Variants in MYOCD observed in about 807,000 individuals in gnomAD.
MYOCD encodes myocardin.
A neutral mutation model predicts 96.1 loss-of-function variants in MYOCD; 32 were observed. That is an observed-to-expected ratio of 0.33 (90% confidence interval 0.25 to 0.45). The LOEUF (loss-of-function observed/expected upper bound fraction) is 0.45. MYOCD is among the 20% of genes least tolerant of loss of function. The pLI is 1.00. For missense variants in MYOCD, 1,133 were observed against 1,200.6 expected (o/e 0.94, Z 0.83); for synonymous variants, 469 against 469.0 (o/e 1.00, Z 0.00).
intron 5 of MYOCD, among the ~76,000 whole-genome samples, chr17:12,735,513 A>G (rs1295261782): frequency 6.6e-6 from 1 of 152,158 alleles, no homozygotes; most frequent in South Asian, 2.1e-4. Context: ...AGAAATGCCA[A>G]ATAATAAAAA....
At chr17:12,724,635 A>AAC (rs2031942990) in intron 5 of MYOCD, among the ~76,000 whole-genome samples, 1 of 152,140 alleles carries the variant, frequency 6.6e-6, no homozygotes, top group Admixed American at 6.6e-5. Context: ...CTAACTTAAA[A>AAC]ATATAGAGTT....
intron 5 of MYOCD, among the ~76,000 whole-genome samples, chr17:12,734,883 A>T (rs1304591260): frequency 2.3e-5 from 3 of 127,694 alleles, no homozygotes; most frequent in Non-Finnish European, 5.3e-5. Flanking sequence ...TAAAGCGATA[A>T]TGACTTTTAT....
At chr17:12,705,370 C>T (rs1403195795) in intron 2 of MYOCD, 177 bp downstream of exon 2, 1 of 529,616 alleles carries the variant, frequency 1.9e-6, no homozygotes, top group East Asian at 3.1e-5. Flanking sequence ...GCTACCTACT[C>T]ACCTGCAAGG....
intron 1 of MYOCD, among the ~76,000 whole-genome samples, chr17:12,668,722 C>T (rs1329955735): frequency 1.3e-5 from 2 of 151,694 alleles, no homozygotes; most frequent in African/African-American, 4.8e-5. Context: ...TGACCCTGAG[C>T]GTTAGGTAAA....
chr17:12,745,273 G>A (rs371636723), intron 8 of MYOCD, among the ~76,000 whole-genome samples: 6 of 151,948 alleles, frequency 3.9e-5, no homozygotes, highest in South Asian at 4.2e-4. Flanking sequence ...GCAATGGCGC[G>A]ATCTTGGCTC....
intron 1 of MYOCD, among the ~76,000 whole-genome samples, chr17:12,684,382 C>A (rs1862859746): frequency 6.6e-6 from 1 of 152,160 alleles, no homozygotes; most frequent in South Asian, 2.1e-4. Context: ...AACGTAGCAT[C>A]CATGGCCCTC....
chr17:12,751,991 T>TA (rs1261816197), intron 9 of MYOCD, among the ~76,000 whole-genome samples: 1 of 152,042 alleles, frequency 6.6e-6, no homozygotes, highest in African/African-American at 2.4e-5. Context: ...GAGAACGTGG[T>TA]AGGAAGAGCC....
intron 1 of MYOCD, among the ~76,000 whole-genome samples, chr17:12,674,634 C>A (rs955625701): frequency 1.3e-5 from 2 of 152,114 alleles, no homozygotes; most frequent in Non-Finnish European, 2.9e-5. Flanking sequence ...TATGTGCATG[C>A]ATACACATAT....
intron 9 of MYOCD, among the ~76,000 whole-genome samples, chr17:12,750,573 C>T (rs2032821624): frequency 6.6e-6 from 1 of 151,980 alleles, no homozygotes; most frequent in African/African-American, 2.4e-5. Context: ...CCTGTAATCC[C>T]AGCTACTCGG....
intron 9 of MYOCD, among the ~76,000 whole-genome samples, chr17:12,751,483 A>G (rs909703489): frequency 3.3e-5 from 5 of 152,156 alleles, no homozygotes; most frequent in African/African-American, 9.7e-5. Context: ...ATATTTGTAG[A>G]TATTTAGAGT....
At chr17:12,709,027 T>C (rs1240903399) in intron 2 of MYOCD, among the ~76,000 whole-genome samples, 3 of 152,224 alleles carry the variant, frequency 2.0e-5, no homozygotes, top group African/African-American at 7.2e-5. Flanking sequence ...CTTCAGATTC[T>C]ACATCATAAT....
chr17:12,765,635 C>G lies in MYOCD; in HGVS notation c.*1991C>G, dbSNP rs1008533522. The G allele has an allele frequency of 6.6e-6, 1 of 152,184 alleles. No homozygotes were observed. The highest frequency in any genetic ancestry group is 1.5e-5 in the Non-Finnish European group (1 of 68,050). 9.4% of individuals were successfully genotyped at this position (152,184 alleles called of 1,614,324 possible). A position where few individuals can be genotyped will look rare whatever the true frequency, so the allele number is the denominator to read the frequency against. On this transcript the variant is annotated 3_prime_UTR_variant, in exon 14 of 14. Transcript: ENST00000425538. ...GCGTTACAGAGTTCTACACCAAAAG[C>G]CTTTAACCCTTAATCTGCTGTGAAT... is the stretch of plus-strand genomic sequence containing the variant.
chr17:12,675,272 C>G (rs1909947997), intron 1 of MYOCD, among the ~76,000 whole-genome samples: 2 of 152,074 alleles, frequency 1.3e-5, no homozygotes, highest in African/African-American at 4.8e-5. Context: ...CATAGATACA[C>G]CTATCGTGTT....
chr17:12,678,103 G>A (rs1219913719), intron 1 of MYOCD, among the ~76,000 whole-genome samples: 2 of 151,650 alleles, frequency 1.3e-5, no homozygotes, highest in African/African-American at 4.8e-5. Flanking sequence ...ATGTTGGCCT[G>A]GATGGTCTCG....
intron 5 of MYOCD, among the ~76,000 whole-genome samples, chr17:12,734,477 A>G (rs1567591289): frequency 7.5e-6 from 1 of 133,496 alleles, no homozygotes; most frequent in East Asian, 2.3e-4. Context: ...CTGCATGCCT[A>G]CCTGGCCCTC....
At chr17:12,747,869 A>T (rs965365649) in intron 9 of MYOCD, among the ~76,000 whole-genome samples, 11 of 74,890 alleles carry the variant, frequency 1.5e-4, no homozygotes, top group African/African-American at 6.7e-4. Flanking sequence ...ATCCTATTTA[A>T]AAAAAAAAAA....
At chr17:12,667,704 C>T (rs556293372) in intron 1 of MYOCD, among the ~76,000 whole-genome samples, 6 of 152,128 alleles carry the variant, frequency 3.9e-5, no homozygotes, top group Admixed American at 2.0e-4. Flanking sequence ...ACTTGCAAAA[C>T]GCTTATCAAT....
rs570252349 is a variant in MYOCD, at chr17:12,758,602, G to GTAA, written c.2331+392_2331+394dup. On this transcript the variant is annotated intron_variant, in intron 12 of 13. Transcript: ENST00000425538. Reference sequence around the variant, plus strand: ...CAAATAGATGAGAGTGACTGTCAGGGTAATACTTCCTAAGGTTCTCCCTGG... The same window carrying GTAA: ...CAAATAGATGAGAGTGACTGTCAGGGTAATAATACTTCCTAAGGTTCTCCCTGG... Among the ~76,000 whole-genome samples, 171 of 152,308 alleles carry GTAA rather than the reference G, an allele frequency of 1.1e-3. 1 individual carries two copies. Among genetic ancestry groups the GTAA allele is most frequent in the Non-Finnish European group, 2.0e-3 (135 of 68,028 alleles).
At chr17:12,739,451 G>A in intron 7 of MYOCD, 123 bp downstream of exon 7, 1 of 1,168,020 alleles carries the variant, frequency 8.6e-7, no homozygotes, top group Non-Finnish European at 1.1e-6. Flanking sequence ...CCAGGCAGAG[G>A]TTCAGCTCAC....
Sources: gnomAD v4.1 joint callset for allele counts (sites outside exome capture counted in the v4.1 genomes callset) on GRCh38, gnomAD v4.1.1 for gene constraint, MANE v1.5 for transcripts, NCBI Gene and HGNC (gene_info 2026-07-23, HGNC 2026-07-21) for gene names.